Variants in LMBRD1 observed in about 807,000 individuals in gnomAD.
LMBRD1 encodes the protein LMBR1 domain containing 1.
In LMBRD1, 64 loss-of-function variants were observed where a neutral mutation model predicts 74.8. The observed-to-expected ratio is 0.86, with a 90% CI of 0.70 to 1.05. The LOEUF (loss-of-function observed/expected upper bound fraction) is 1.05. LMBRD1 is among the 50% of genes least tolerant of loss of function. The pLI is 0.00. For synonymous variants in LMBRD1, 204 were observed against 216.3 expected (o/e 0.94, Z 0.50); for missense variants, 652 against 645.9 (o/e 1.01, Z -0.10).
chr6:69,785,250 T>G (rs993491601), intron 2 of LMBRD1, among the ~76,000 whole-genome samples: 1 of 152,190 alleles, frequency 6.6e-6, no homozygotes, highest in African/African-American at 2.4e-5. Context: ...TCAGCTGACC[T>G]TCTACACGAT....
At chr6:69,708,876 T>C (rs1479260197) in intron 9 of LMBRD1, among the ~76,000 whole-genome samples, 2 of 152,170 alleles carry the variant, frequency 1.3e-5, no homozygotes, top group African/African-American at 2.4e-5. Flanking sequence ...GAGAGCTGTA[T>C]AGAAGGGCAA....
intron 2 of LMBRD1, among the ~76,000 whole-genome samples, chr6:69,789,056 G>A (rs1234883959): frequency 6.6e-6 from 1 of 152,124 alleles, no homozygotes; most frequent in Non-Finnish European, 1.5e-5. Context: ...TTTAATAGAT[G>A]TTATTTACTA....
chr6:69,770,533 C>T (rs1489515580), intron 3 of LMBRD1, among the ~76,000 whole-genome samples: 1 of 152,150 alleles, frequency 6.6e-6, no homozygotes, highest in African/African-American at 2.4e-5. Flanking sequence ...AAATCCCACC[C>T]CACTCACTCA....
At chr6:69,764,090 G>A (rs1208584980) in intron 3 of LMBRD1, among the ~76,000 whole-genome samples, 2 of 152,146 alleles carry the variant, frequency 1.3e-5, no homozygotes, top group Admixed American at 6.5e-5. Context: ...TGGAATAAAC[G>A]TATTTTGCAT....
intron 6 of LMBRD1, among the ~76,000 whole-genome samples, chr6:69,739,730 C>T (rs1767056012): frequency 6.6e-6 from 1 of 152,202 alleles, no homozygotes; most frequent in South Asian, 2.1e-4. Flanking sequence ...GTGTTCTACA[C>T]CTTGACTGCA....
chr6:69,740,384 T>C lies in LMBRD1; in HGVS notation c.562+1405A>G, dbSNP rs150233915. On this transcript the variant is annotated intron_variant, in intron 6 of 15. Coordinates refer to ENST00000649934, the MANE Select transcript of LMBRD1 (RefSeq NM_018368.4). ...TCACCAATTCAAGTTATACTAATAC[T>C]CAAAGTATAACTTATGAAATAATGT... Among the ~76,000 whole-genome samples the C allele has an allele frequency of 2.1e-4, 32 of 152,266 alleles. 1 individual carries two copies. In the East Asian group the frequency reaches 6.2e-3, roughly 29 times the overall value.
chr6:69,745,608 A>G (rs528628349), intron 5 of LMBRD1, among the ~76,000 whole-genome samples: 4 of 152,296 alleles, frequency 2.6e-5, no homozygotes, highest in South Asian at 2.1e-4. Flanking sequence ...TTACCTGGCT[A>G]ATGTCATATC....
intron 14 of LMBRD1, among the ~76,000 whole-genome samples, chr6:69,693,147 A>G (rs1025958038): frequency 6.6e-6 from 1 of 152,136 alleles, no homozygotes; most frequent in Admixed American, 6.5e-5. Flanking sequence ...CTCACTTTGA[A>G]CATAAACTAT....
intron 7 of LMBRD1, among the ~76,000 whole-genome samples, chr6:69,732,326 T>C (rs143279162): frequency 3.9e-4 from 59 of 152,252 alleles, no homozygotes; most frequent in African/African-American, 1.3e-3. Flanking sequence ...AGGGTCACAA[T>C]AGAGCTTGCT....
intron 2 of LMBRD1, among the ~76,000 whole-genome samples, chr6:69,787,437 A>G (rs76975915): frequency 0.02 from 3,036 of 152,356 alleles, 46 homozygotes; most frequent in Middle Eastern, 0.058. Flanking sequence ...AGAACTAGAG[A>G]CAACTTAATA....
At chr6:69,783,141 TGAAA>T (rs1053132749) in intron 2 of LMBRD1, among the ~76,000 whole-genome samples, 2 of 152,020 alleles carry the variant, frequency 1.3e-5, no homozygotes, top group African/African-American at 4.8e-5. Flanking sequence ...AAAAATGTAA[TGAAA>T]GAAATACCCA....
chr6:69,790,410 A>G lies in LMBRD1; in HGVS notation c.132T>C (p.Val44=). 6.2e-7 allele frequency: 1 copy of G among 1,614,064 alleles called. No individual in the cohort carries two copies. The highest frequency in any genetic ancestry group is 8.5e-7 in the Non-Finnish European group (1 of 1,179,954). The change falls in exon 2 of 16, where the codon GTT becomes GTC. Residue 44 remains valine (V), a synonymous_variant. Transcript: ENST00000649934. ...RKYQSRRESE[V]VSTITAIFSL... is the part of the protein sequence containing the mutation. ...AAAAAATTGCTGTTATGGTGGAGACAACTTCACTTTCCCGCCGACTTTGGT... is the reference window on the plus strand; with the variant it reads ...AAAAAATTGCTGTTATGGTGGAGACGACTTCACTTTCCCGCCGACTTTGGT...
chr6:69,741,975 A>C (rs1402561331), intron 5 of LMBRD1, 98 bp from the exon 6 acceptor site: 2 of 757,258 alleles, frequency 2.6e-6, no homozygotes, highest in East Asian at 5.4e-5. Context: ...ACAATAAATA[A>C]ATAAAATCTG....
intron 9 of LMBRD1, among the ~76,000 whole-genome samples, chr6:69,702,221 AAATAC>A (rs1766148179): frequency 6.6e-6 from 1 of 151,898 alleles, no homozygotes; most frequent in African/African-American, 2.4e-5. Context: ...TTGTTAGACC[AAATAC>A]AAAGTCTTTA....
chr6:69,682,280 TCA>T (rs1273269063), intron 14 of LMBRD1, among the ~76,000 whole-genome samples: 1 of 151,864 alleles, frequency 6.6e-6, no homozygotes, highest in Non-Finnish European at 1.5e-5. Context: ...ATGTCAAAAC[TCA>T]CAGAAATTTT....
chr6:69,736,531 C>CA (rs1249927832), intron 7 of LMBRD1, among the ~76,000 whole-genome samples: 18 of 152,304 alleles, frequency 1.2e-4, no homozygotes, highest in Admixed American at 1.1e-3. Flanking sequence ...TGGCAGGTTA[C>CA]AAGTAGGGTA....
rs1334171074 is a variant in LMBRD1, at chr6:69,761,993, T to G, written c.308-9637A>C. ...ACGTTTGCAGTTTATACATCTCTGT[T>G]GCAAATACTCATCTGTGCTGCTGTA... On this transcript the variant is annotated intron_variant, in intron 3 of 15. Coordinates refer to ENST00000649934, the MANE Select transcript of LMBRD1 (RefSeq NM_018368.4). Among the ~76,000 whole-genome samples, 5 of 152,230 alleles carry G rather than the reference T, an allele frequency of 3.3e-5. No individual in the cohort carries two copies. In the East Asian group the frequency reaches 9.6e-4, roughly 29 times the overall value.
intron 3 of LMBRD1, among the ~76,000 whole-genome samples, chr6:69,757,346 A>C (rs1452700737): frequency 6.6e-6 from 1 of 152,218 alleles, no homozygotes; most frequent in Admixed American, 6.5e-5. Flanking sequence ...AGTGCCCACA[A>C]AAGTTTTTAG....
At position 69,790,463 on chromosome 6, in the gene LMBRD1, C is replaced by A. The variant is rs1640906595; in HGVS notation, c.79G>T (p.Ala27Ser). Residue 27 changes from alanine (A) to serine (S), a missense_variant, in exon 2 of 16, where the codon GCA becomes TCA. Ala to Ser is a moderately conservative substitution (Grantham distance 99, BLOSUM62 1). This residue lies in a region of LMBRD1 where 598 missense variants were observed against 581.8 expected (regional missense o/e 1.03). Coordinates refer to ENST00000649934, the MANE Select transcript of LMBRD1 (RefSeq NM_018368.4). ...TTACGAACATATATCCAGCAGAATG[C>A]CAAAATAGCCTGAAATAGAACAAAA... ...IFGLLLLAIL[A>S]FCWIYVRKYQ... The A allele has an allele frequency of 1.9e-6, 3 of 1,613,574 alleles. No homozygotes were observed. Among genetic ancestry groups the A allele is most frequent in the African/African-American group, 2.7e-5 (2 of 74,854 alleles).
Sources: allele counts gnomAD v4.1 joint callset (sites outside exome capture counted in the v4.1 genomes callset), GRCh38; gene constraint gnomAD v4.1.1; regional missense constraint gnomAD v4.1.1; transcripts MANE v1.5; gene names NCBI Gene and HGNC (gene_info 2026-07-23, HGNC 2026-07-21).